Variants in IGSF11 observed in about 807,000 individuals in gnomAD.
IGSF11 encodes the protein immunoglobulin superfamily member 11, also known as CXADR like 1.
A neutral mutation model predicts 41.0 loss-of-function variants in IGSF11; 22 were observed. The observed-to-expected ratio is 0.54, with a 90% CI of 0.38 to 0.77. The LOEUF (loss-of-function observed/expected upper bound fraction) is 0.77. Ranked by LOEUF, IGSF11 falls within the 30% of genes least tolerant of loss-of-function variation. The pLI, the probability that IGSF11 is intolerant of heterozygous loss-of-function variation, is 0.00. For synonymous variants in IGSF11, 219 were observed against 201.3 expected (o/e 1.09, Z -0.74); for missense variants, 444 against 530.8 (o/e 0.84, Z 1.61).
chr3:118,986,966 G>T (rs1178846188), intron 1 of IGSF11, among the ~76,000 whole-genome samples: 1 of 152,190 alleles, frequency 6.6e-6, no homozygotes, highest in Non-Finnish European at 1.5e-5. Context: ...AGCGGTAAAG[G>T]AGAGTTATGG....
Position 119,122,444 on chromosome 3 carries a change from G to A in IGSF11, c.-13-17239C>T, listed in dbSNP as rs561601417. 2.6e-5 allele frequency among the ~76,000 whole-genome samples: 4 copies of A among 152,306 alleles called. No individual in the cohort carries two copies. The East Asian group carries it at 5.8e-4, about 22-fold the overall frequency. On this transcript the variant is annotated intron_variant, in intron 1 of 7. Transcript: ENST00000425327. The stretch of plus-strand genomic sequence containing the variant: ...CCACTGTGGGTTGAAATGCACTGGG[G>A]CCCTAAATAAACTTGAAACGAAGTC...
At chr3:118,903,035 C>G in intron 6 of IGSF11, 74 bp from the exon 7 acceptor site, 12 of 1,401,918 alleles carry the variant, frequency 8.6e-6, no homozygotes, top group African/African-American at 1.4e-5. Flanking sequence ...TGGAATCTTT[C>G]TTTTCATGTC....
Position 119,073,732 on chromosome 3 carries a change from G to A in IGSF11, c.49+31412C>T, listed in dbSNP as rs542594986. 1.0e-3 allele frequency among the ~76,000 whole-genome samples: 158 copies of A among 152,282 alleles called. 3 individuals carry two copies. The South Asian group carries it at 0.027, about 26-fold the overall frequency. ...CTGAGCCCACACCCACCCGGAACTC[G>A]CGCTGGCCTGTGAGCACTGCACACA... On this transcript the variant is annotated intron_variant, in intron 1 of 6. Transcript: ENST00000354673.
chr3:119,035,149 G>T (rs1446371193), upstream of IGSF11, among the ~76,000 whole-genome samples: 3 of 152,202 alleles, frequency 2.0e-5, no homozygotes, highest in Non-Finnish European at 4.4e-5. Flanking sequence ...AAACCCCTCC[G>T]CAAACAGGTG....
intron 1 of IGSF11, among the ~76,000 whole-genome samples, chr3:119,117,197 C>G: frequency 7.4e-6 from 1 of 135,512 alleles, no homozygotes; most frequent in African/African-American, 2.7e-5. Context: ...TGGAAGTTAT[C>G]AAAAAAAAAA....
intron 1 of IGSF11, among the ~76,000 whole-genome samples, chr3:119,080,991 A>G (rs2076577592): frequency 6.6e-6 from 1 of 151,864 alleles, no homozygotes; most frequent in Non-Finnish European, 1.5e-5. Flanking sequence ...ATTAATTTTC[A>G]TTTTAGGGAA....
intron 1 of IGSF11, among the ~76,000 whole-genome samples, chr3:119,132,430 C>G (rs1413580004): frequency 1.5e-5 from 2 of 134,428 alleles, no homozygotes; most frequent in Non-Finnish European, 3.1e-5. Flanking sequence ...ATCCTAGTCT[C>G]TGATAACACA....
rs1225254445 is a variant in IGSF11 at position 119,075,785 on chromosome 3, A to G, written c.49+29359T>C. On this transcript the variant is annotated intron_variant, in intron 1 of 6. Coordinates refer to the IGSF11 transcript ENST00000354673. The stretch of plus-strand genomic sequence containing the variant: ...TTTTATAAAATTCAATTATCTCTTC[A>G]TGTTAAAAACCCTCAACAAGAATCA... Among the ~76,000 whole-genome samples the G allele has an allele frequency of 4.6e-5, 7 of 152,184 alleles. No individual in the cohort carries two copies. In the East Asian group the frequency reaches 1.3e-3, roughly 29 times the overall value.
intron 4 of IGSF11, among the ~76,000 whole-genome samples, chr3:118,913,444 C>T (rs1290215748): frequency 6.6e-6 from 1 of 152,140 alleles, no homozygotes; most frequent in Non-Finnish European, 1.5e-5. Context: ...AACACAAATG[C>T]CTACAGACTA....
chr3:119,105,216 T>C, exon 1 of IGSF11: 1 of 1,549,798 alleles, frequency 6.5e-7, no homozygotes, highest in Admixed American at 1.7e-5. Context: ...CTGAGGAAGG[T>C]GAGAACAGGG....
At chr3:119,129,868 C>T (rs2077453834) in intron 1 of IGSF11, among the ~76,000 whole-genome samples, 1 of 151,726 alleles carries the variant, frequency 6.6e-6, no homozygotes, top group Non-Finnish European at 1.5e-5. Flanking sequence ...GCCTGTAGGC[C>T]CAGCTACTCA....
At chr3:118,927,511 G>C (rs974512559) in intron 3 of IGSF11, among the ~76,000 whole-genome samples, 1 of 152,090 alleles carries the variant, frequency 6.6e-6, no homozygotes, top group Non-Finnish European at 1.5e-5. Context: ...CCCCGACTTG[G>C]TCATCAGTTT....
At chr3:119,135,837 G>C (rs906659444) in intron 1 of IGSF11, among the ~76,000 whole-genome samples, 1 of 152,156 alleles carries the variant, frequency 6.6e-6, no homozygotes, top group Non-Finnish European at 1.5e-5. Flanking sequence ...TAATAGACTA[G>C]ATTAAGAAAA....
upstream of IGSF11, among the ~76,000 whole-genome samples, chr3:119,038,609 G>C: frequency 6.6e-6 from 1 of 151,776 alleles, no homozygotes; most frequent in African/African-American, 2.4e-5. Context: ...AATACCACTA[G>C]GTTTTTTTAG....
intron 1 of IGSF11, among the ~76,000 whole-genome samples, chr3:119,085,844 G>T (rs4356813): frequency 0.17 from 25,537 of 152,088 alleles, 2,622 homozygotes; most frequent in Non-Finnish European, 0.24. Flanking sequence ...CCAGGTTCTT[G>T]GCATCTTGAA....
intron 1 of IGSF11, among the ~76,000 whole-genome samples, chr3:118,974,043 C>G (rs904333615): frequency 1.3e-5 from 2 of 151,956 alleles, no homozygotes; most frequent in Non-Finnish European, 2.9e-5. Context: ...AGCAAACCAC[C>G]ATGGCATACG....
chr3:118,906,799 G>T (rs967164775), intron 4 of IGSF11, among the ~76,000 whole-genome samples: 1 of 152,156 alleles, frequency 6.6e-6, no homozygotes, highest in Non-Finnish European at 1.5e-5. Context: ...TCCAGGCATT[G>T]GGTAAGCTTT....
intron 1 of IGSF11, among the ~76,000 whole-genome samples, chr3:118,982,489 T>C (rs1576549797): frequency 6.6e-6 from 1 of 152,322 alleles, no homozygotes; most frequent in East Asian, 1.9e-4. Context: ...GTTTCCCATT[T>C]AGAAAGATGT....
intron 1 of IGSF11, among the ~76,000 whole-genome samples, chr3:119,084,700 A>G (rs2076641910): frequency 6.6e-6 from 1 of 152,210 alleles, no homozygotes; most frequent in Admixed American, 6.5e-5. Context: ...GCGTGCATAC[A>G]GTGCAGGCTC....
Sources: gnomAD v4.1 joint callset for allele counts (sites outside exome capture counted in the v4.1 genomes callset) on GRCh38, gnomAD v4.1.1 for gene constraint, MANE v1.5 for transcripts, NCBI Gene and HGNC (gene_info 2026-07-23, HGNC 2026-07-21) for gene names.